The following ODAD2 variants were observed in gnomAD, a reference collection of about 807,000 sequenced individuals.
ODAD2 encodes the protein outer dynein arm docking complex subunit 2.
In ODAD2, 89 loss-of-function variants were observed where a neutral mutation model predicts 106.8. The observed-to-expected ratio is 0.83, with a 90% confidence interval of 0.70 to 0.99. The LOEUF is 0.99. Among genes scored for constraint, ODAD2 ranks in the 50% least tolerant of loss-of-function variants. ODAD2 has a pLI of 0.00. For synonymous variants in ODAD2, 404 were observed against 436.2 expected, an observed-to-expected ratio of 0.93 and a Z score of 0.92; for missense variants, 1,168 against 1,238.5, an observed-to-expected ratio of 0.94 and a Z score of 0.85.
intron 19 of ODAD2, among the ~76,000 whole-genome samples, chr10:27,860,366 T>A (rs922096685): frequency 2.0e-5 from 3 of 151,982 alleles, no homozygotes; most frequent in Non-Finnish European, 4.4e-5. Context: ...GGCAGGAGGA[T>A]CACTTGAGCC....
chr10:27,921,168 C>T (rs1279951472), intron 16 of ODAD2, among the ~76,000 whole-genome samples: 1 of 151,832 alleles, frequency 6.6e-6, no homozygotes, highest in Non-Finnish European at 1.5e-5. Flanking sequence ...AATACCTGTT[C>T]CTTAATTTCC....
chr10:27,915,095 C>T (rs1453688911), intron 16 of ODAD2, among the ~76,000 whole-genome samples: 1 of 151,932 alleles, frequency 6.6e-6, no homozygotes, highest in Non-Finnish European at 1.5e-5. Flanking sequence ...AGAAGCTCAG[C>T]GAACCCTAAA....
At chr10:27,904,218 A>T (rs763716076) in intron 17 of ODAD2, 3 of 369,952 alleles carry the variant, frequency 8.1e-6, no homozygotes, top group Non-Finnish European at 1.6e-5. Context: ...TGTGGTGCAC[A>T]TTCCTAAAGC....
intron 19 of ODAD2, among the ~76,000 whole-genome samples, chr10:27,852,545 C>T (rs1401977973): frequency 6.6e-6 from 1 of 151,546 alleles, no homozygotes; most frequent in East Asian, 1.9e-4. Context: ...AACTAATAAG[C>T]CAAAAATGAG....
At chr10:27,838,880 T>C (rs1166212433) in intron 19 of ODAD2, among the ~76,000 whole-genome samples, 1 of 152,224 alleles carries the variant, frequency 6.6e-6, no homozygotes, top group Non-Finnish European at 1.5e-5. Flanking sequence ...CTGCGGGACA[T>C]AGCTACTGTT....
intron 19 of ODAD2, among the ~76,000 whole-genome samples, chr10:27,842,155 G>A (rs1838352401): frequency 3.3e-5 from 5 of 152,044 alleles, no homozygotes; most frequent in Admixed American, 2.0e-4. Flanking sequence ...GACCCCCTTT[G>A]TTTCCTTTAC....
intron 17 of ODAD2, among the ~76,000 whole-genome samples, chr10:27,883,182 T>A (rs578031373): frequency 2.7e-4 from 41 of 151,942 alleles, no homozygotes; most frequent in Non-Finnish European, 5.4e-4. Context: ...CTGAGAGTTG[T>A]AAACTGTAGT....
chr10:27,906,782 A>G (rs1210752782), intron 17 of ODAD2, among the ~76,000 whole-genome samples: 1 of 152,176 alleles, frequency 6.6e-6, no homozygotes, highest in Non-Finnish European at 1.5e-5. Flanking sequence ...CAAACACCGC[A>G]TGTTCTCATT....
chr10:27,955,088 A>T (rs150302620), intron 10 of ODAD2, among the ~76,000 whole-genome samples: 10 of 152,224 alleles, frequency 6.6e-5, no homozygotes, highest in African/African-American at 2.2e-4. Context: ...ACATCTACTA[A>T]CTTAAAGAAT....
chr10:27,981,768 C>A lies in ODAD2; in HGVS notation c.820-186G>T, dbSNP rs187324661. ...ATTTAATGTTATCTATTTTTCCATT[C>A]ATTCACTCATTCCTTCCTTCATTCA... On this transcript the variant is annotated intron_variant, in intron 6 of 19. Coordinates refer to ENST00000305242, the MANE Select transcript of ODAD2 (RefSeq NM_018076.5). 8 of 428,918 alleles carry A rather than the reference C, an allele frequency of 1.9e-5. No individual in the cohort carries two copies. The East Asian group carries it at 2.2e-4, about 12-fold the overall frequency. 26.6% of individuals were successfully genotyped at this position (428,918 alleles called of 1,614,324 possible).
At chr10:27,882,652 C>G (rs1311489959) in intron 17 of ODAD2, among the ~76,000 whole-genome samples, 1 of 152,154 alleles carries the variant, frequency 6.6e-6, no homozygotes, top group Non-Finnish European at 1.5e-5. Flanking sequence ...TTAACTTTCT[C>G]TATTCCAATC....
chr10:27,989,456 T>C (rs1341358045), intron 2 of ODAD2, among the ~76,000 whole-genome samples: 1 of 152,204 alleles, frequency 6.6e-6, no homozygotes, highest in African/African-American at 2.4e-5. Context: ...CCCTTAGGAC[T>C]TAAGAGATTT....
intron 17 of ODAD2, among the ~76,000 whole-genome samples, chr10:27,874,114 C>T (rs541352956): frequency 1.3e-5 from 2 of 152,258 alleles, no homozygotes; most frequent in South Asian, 4.2e-4. Flanking sequence ...TATGTAATGG[C>T]CTTCTTTGTC....
chr10:27,866,921 A>T (rs371772442), intron 17 of ODAD2, among the ~76,000 whole-genome samples: 1 of 152,142 alleles, frequency 6.6e-6, no homozygotes, highest in African/African-American at 2.4e-5. Flanking sequence ...AACTATCTCA[A>T]TGATGTTATA....
intron 16 of ODAD2, among the ~76,000 whole-genome samples, chr10:27,931,762 T>C (rs1273769098): frequency 2.7e-5 from 4 of 148,060 alleles, no homozygotes; most frequent in African/African-American, 1.0e-4. Flanking sequence ...GGCAACTAGA[T>C]AACCTGGCAA....
rs867446100 is a variant in ODAD2 at position 27,901,105 on chromosome 10, A to G, written c.2610+6558T>C. ...ACAAAGGGAAGCCCATCAGACTAAC[A>G]GTGGATCTCTCTGCAAAAACTCTAC... On this transcript the variant is annotated intron_variant, in intron 17 of 19. Coordinates refer to ENST00000305242, the MANE Select transcript of ODAD2 (RefSeq NM_018076.5). Among the ~76,000 whole-genome samples the G allele has an allele frequency of 5.9e-5, 9 of 152,368 alleles. No homozygotes were observed. In the Middle Eastern group the frequency reaches 0.014, roughly 230 times the overall value.
rs924047199 is a variant in ODAD2 at position 27,862,568 on chromosome 10, A to G, written c.2665T>C (p.Leu889=). ...ACTTCTTTGTTATCTGATTTCAGTA[A>G]ATTGACAATAAGTTCCAAACCACCA... The part of the protein sequence containing the change: ...FVGGLELIVN[L]LKSDNKEVLA... The change falls in exon 18 of 20, where the codon TTA becomes CTA. Residue 889 remains leucine (L), a synonymous_variant. Transcript: ENST00000305242. The G allele has an allele frequency of 4.3e-6, 7 of 1,611,820 alleles. No homozygotes were observed. The highest frequency in any genetic ancestry group is 5.9e-6 in the Non-Finnish European group (7 of 1,179,146).
chr10:27,851,518 A>T (rs1316845092), intron 19 of ODAD2, among the ~76,000 whole-genome samples: 3 of 152,106 alleles, frequency 2.0e-5, no homozygotes, highest in Non-Finnish European at 1.5e-5. Flanking sequence ...GGAGATCCAA[A>T]TGAAACGTCG....
intron 6 of ODAD2, among the ~76,000 whole-genome samples, chr10:27,982,383 T>C (rs1849608026): frequency 6.6e-6 from 1 of 152,192 alleles, no homozygotes; most frequent in South Asian, 2.1e-4. Flanking sequence ...AAATAAGTTA[T>C]ATGTATGTAG....
Sources: gnomAD v4.1 joint callset for allele counts (sites outside exome capture counted in the v4.1 genomes callset) on GRCh38, gnomAD v4.1.1 for gene constraint, MANE v1.5 for transcripts, NCBI Gene and HGNC (gene_info 2026-07-23, HGNC 2026-07-21) for gene names.